The following GRID2 variants were observed in gnomAD, a reference collection of about 807,000 sequenced individuals.
The protein encoded by GRID2 is glutamate ionotropic receptor delta type subunit 2.
A neutral mutation model predicts 114.8 loss-of-function variants in GRID2; 33 were observed. The observed-to-expected ratio is 0.29, with a 90% confidence interval of 0.22 to 0.38. The LOEUF (loss-of-function observed/expected upper bound fraction) is 0.38, where lower values mean the gene tolerates loss of function less well. GRID2 is among the 10% of genes least tolerant of loss of function. The probability of loss-of-function intolerance (pLI) is 1.00; values close to 1 mark genes in which losing one functional copy is unlikely to be tolerated. For missense variants in GRID2, 1,184 were observed against 1,257.7 expected (o/e 0.94, Z 0.89); for synonymous variants, 505 against 449.9 (o/e 1.12, Z -1.55).
At position 92,479,896 on chromosome 4, in the gene GRID2, G is replaced by A. The variant is rs552649404; in HGVS notation, c.89-110235G>A. Among the ~76,000 whole-genome samples the A allele has an allele frequency of 2.5e-4, 38 of 152,224 alleles. No individual in the cohort carries two copies. In the East Asian group the frequency reaches 6.0e-3, roughly 24 times the overall value. The stretch of plus-strand genomic sequence containing the variant: ...GACATAATGTTGGAGTGAGTACATA[G>A]AATATTCAAATAAATATCAAATGTT... On this transcript the variant is annotated intron_variant, in intron 1 of 15. Transcript: ENST00000282020.
At chr4:92,445,815 C>G (rs544019043) in intron 1 of GRID2, among the ~76,000 whole-genome samples, 41 of 152,282 alleles carry the variant, frequency 2.7e-4, no homozygotes, top group Non-Finnish European at 5.0e-4. Context: ...TAATTCTAAA[C>G]TTTTTCCAAT....
At chr4:92,323,790 A>G (rs1407850983) in intron 1 of GRID2, among the ~76,000 whole-genome samples, 1 of 152,010 alleles carries the variant, frequency 6.6e-6, no homozygotes, top group African/African-American at 2.4e-5. Context: ...CATTCATGGA[A>G]AGACTGTTAG....
At chr4:93,089,051 T>G (rs1251342629) in intron 3 of GRID2, among the ~76,000 whole-genome samples, 1 of 152,122 alleles carries the variant, frequency 6.6e-6, no homozygotes, top group Non-Finnish European at 1.5e-5. Flanking sequence ...TAGTAGTTAT[T>G]ATTTTATTAT....
chr4:93,213,421 T>G (rs1743800848), intron 5 of GRID2, among the ~76,000 whole-genome samples: 1 of 152,178 alleles, frequency 6.6e-6, no homozygotes, highest in Non-Finnish European at 1.5e-5. Flanking sequence ...TTTAACATTT[T>G]AAAGTATTCT....
chr4:93,092,851 C>G (rs910763705), intron 3 of GRID2, among the ~76,000 whole-genome samples: 3 of 151,860 alleles, frequency 2.0e-5, no homozygotes, highest in Non-Finnish European at 4.4e-5. Context: ...CATACACACA[C>G]AAACACACAC....
At chr4:93,125,967 A>T (rs2149368165) in intron 4 of GRID2, among the ~76,000 whole-genome samples, 1 of 152,292 alleles carries the variant, frequency 6.6e-6, no homozygotes, top group East Asian at 1.9e-4. Flanking sequence ...TTTTAAAAAT[A>T]TTTTGAATAA....
At chr4:93,210,820 T>G (rs1050617262) in intron 5 of GRID2, among the ~76,000 whole-genome samples, 2 of 152,098 alleles carry the variant, frequency 1.3e-5, no homozygotes, top group African/African-American at 4.8e-5. Context: ...TTTATGTCAC[T>G]AGCTTTTTTG....
chr4:93,713,638 G>A (rs1728672158), intron 14 of GRID2, among the ~76,000 whole-genome samples: 1 of 151,892 alleles, frequency 6.6e-6, no homozygotes, highest in South Asian at 2.1e-4. Flanking sequence ...TAGATTATTG[G>A]GATAGAGAGT....
intron 12 of GRID2, among the ~76,000 whole-genome samples, chr4:93,512,202 G>A (rs1729262007): frequency 6.6e-6 from 1 of 152,106 alleles, no homozygotes; most frequent in Non-Finnish European, 1.5e-5. Flanking sequence ...TTCTATGATT[G>A]TTTTACATTT....
intron 13 of GRID2, among the ~76,000 whole-genome samples, chr4:93,534,509 C>A (rs1014072003): frequency 2.0e-5 from 3 of 152,020 alleles, no homozygotes; most frequent in African/African-American, 7.2e-5. Flanking sequence ...AGAATGTAAA[C>A]TTTATGAGGG....
intron 2 of GRID2, among the ~76,000 whole-genome samples, chr4:92,874,720 G>C (rs1403396553): frequency 6.6e-6 from 1 of 152,112 alleles, no homozygotes; most frequent in Non-Finnish European, 1.5e-5. Flanking sequence ...TTTAATGCAC[G>C]CCATGAGCGT....
In GRID2 at chr4:92,709,589, A is replaced by AAAAATATATAT. The variant is rs779775767; in HGVS notation, c.244+119304_244+119305insAAATATATATA. On this transcript the variant is annotated intron_variant, in intron 2 of 15. Transcript: ENST00000282020. ...AGTGTAGAGAAAAAAAAAAAAAAAA[A>AAAAATATATAT]ATATATATATATATATATATGTAAT... Among the ~76,000 whole-genome samples the AAAAATATATAT allele has an allele frequency of 1.8e-3, 208 of 114,622 alleles. 1 individual carries two copies. The highest frequency in any genetic ancestry group is 5.2e-3 in the South Asian group (16 of 3,096). 75.2% of individuals were successfully genotyped at this position (114,622 alleles called of 152,430 possible).
chr4:93,594,060 A>C lies in GRID2; in HGVS notation c.2194-32209A>C, dbSNP rs192508953. Reference sequence around the variant, plus strand: ...GAAGCCTTCTTCTCTCAGCTCGTCAAAGTCGTTCTCCGTCCAGCTTTGTTC... The same window carrying C: ...GAAGCCTTCTTCTCTCAGCTCGTCACAGTCGTTCTCCGTCCAGCTTTGTTC... On this transcript the variant is annotated intron_variant, in intron 13 of 15. Coordinates refer to ENST00000282020, the MANE Select transcript of GRID2 (RefSeq NM_001510.4). Among the ~76,000 whole-genome samples, 1,505 of 152,270 alleles carry C rather than the reference A, an allele frequency of 9.9e-3. 15 individuals are homozygous for C. The highest frequency in any genetic ancestry group is 0.017 in the Middle Eastern group (5 of 294).
At chr4:93,566,963 C>G (rs1192596433) in intron 13 of GRID2, among the ~76,000 whole-genome samples, 2 of 146,302 alleles carry the variant, frequency 1.4e-5, no homozygotes, top group Non-Finnish European at 3.0e-5. Flanking sequence ...AAAGTATCCT[C>G]CCTTCTGTGC....
intron 1 of GRID2, among the ~76,000 whole-genome samples, chr4:92,506,072 T>C (rs1723953250): frequency 6.6e-6 from 1 of 152,062 alleles, no homozygotes; most frequent in African/African-American, 2.4e-5. Flanking sequence ...TGGACTATTT[T>C]AAAATTAAGG....
In GRID2 at chr4:92,587,106, GTGT is replaced by G. The variant is rs1560474432; in HGVS notation, c.89-3024_89-3022del. Among the ~76,000 whole-genome samples the G allele has an allele frequency of 1.7e-3, 242 of 146,644 alleles. 2 individuals are homozygous for G. The highest frequency in any genetic ancestry group is 0.011 in the East Asian group (57 of 5,082). On this transcript the variant is annotated intron_variant, in intron 1 of 15. Transcript: ENST00000282020. The stretch of plus-strand genomic sequence containing the variant: ...AGAGTACTGATGAAATGCTGTGTGT[GTGT>G]GTGTGTGTGTGTGTGTGTGTGTGTG...
chr4:92,751,092 A>C (rs1196212147), intron 2 of GRID2, among the ~76,000 whole-genome samples: 1 of 152,168 alleles, frequency 6.6e-6, no homozygotes, highest in Non-Finnish European at 1.5e-5. Context: ...CCATGGGTAC[A>C]TTTTATTTAT....
At chr4:93,593,259 A>G (rs1207229391) in intron 13 of GRID2, among the ~76,000 whole-genome samples, 3 of 145,638 alleles carry the variant, frequency 2.1e-5, no homozygotes, top group Non-Finnish European at 3.1e-5. Context: ...GGTGGTGACA[A>G]AATCTTTCAG....
chr4:93,748,632 A>G (rs909523449), intron 14 of GRID2, among the ~76,000 whole-genome samples: 3 of 152,206 alleles, frequency 2.0e-5, no homozygotes, highest in African/African-American at 7.2e-5. Context: ...GCATGTGTGT[A>G]ACATATCATG....
Sources: gnomAD v4.1 joint callset for allele counts (sites outside exome capture counted in the v4.1 genomes callset) on GRCh38, gnomAD v4.1.1 for gene constraint, MANE v1.5 for transcripts, NCBI Gene and HGNC (gene_info 2026-07-23, HGNC 2026-07-21) for gene names.